The following ATP8A1 variants were observed in gnomAD, a reference collection of about 807,000 sequenced individuals.
ATP8A1 encodes ATPase phospholipid transporting 8A1.
ATP8A1 carries 90 observed loss-of-function variants against 177.7 expected under a neutral mutation model. That is an observed-to-expected ratio of 0.51 (90% confidence interval 0.43 to 0.60). The LOEUF (loss-of-function observed/expected upper bound fraction) is 0.60, where lower values mean the gene tolerates loss of function less well. Among genes scored for constraint, ATP8A1 ranks in the 20% least tolerant of loss-of-function variants. ATP8A1 has a pLI of 0.00. For missense variants in ATP8A1, 1,072 were observed against 1,392.8 expected, an observed-to-expected ratio of 0.77 and a Z score of 3.67; for synonymous variants, 493 against 485.9, an observed-to-expected ratio of 1.01 and a Z score of -0.19.
At chr4:42,634,795 T>C (rs1739106334) in intron 1 of ATP8A1, among the ~76,000 whole-genome samples, 3 of 152,138 alleles carry the variant, frequency 2.0e-5, no homozygotes. Context: ...TGGGAGAAAA[T>C]AAATAGGCTA....
At chr4:42,628,730 T>TA (rs1738387400) in intron 1 of ATP8A1, among the ~76,000 whole-genome samples, 1 of 151,864 alleles carries the variant, frequency 6.6e-6, no homozygotes, top group Admixed American at 6.6e-5. Context: ...GATCAATCTT[T>TA]AAAAAAAATT....
intron 25 of ATP8A1, among the ~76,000 whole-genome samples, chr4:42,475,712 GAGA>G: frequency 6.6e-6 from 1 of 152,192 alleles, no homozygotes. Context: ...ATAACTCTAT[GAGA>G]AGAACAATTT....
rs548199736 is a variant in ATP8A1, at chr4:42,641,724, A to G, written c.50-14615T>C. ...AGCTAGGCCTTAAAAAGTACTGGGG[A>G]AAAAAATGAATGAACAATGATGAAA... On this transcript the variant is annotated intron_variant, in intron 1 of 36. Coordinates refer to ENST00000381668, the MANE Select transcript of ATP8A1 (RefSeq NM_006095.2). Among the ~76,000 whole-genome samples, 9 of 152,272 alleles carry G rather than the reference A, an allele frequency of 5.9e-5. No individual in the cohort carries two copies. In the East Asian group the frequency reaches 7.7e-4, roughly 13 times the overall value.
chr4:42,453,049 TCTC>T (rs1276068684), intron 29 of ATP8A1, among the ~76,000 whole-genome samples: 3 of 152,182 alleles, frequency 2.0e-5, no homozygotes, highest in South Asian at 2.1e-4. Context: ...CTTTGTCTCT[TCTC>T]CTCACTGTGT....
intron 30 of ATP8A1, among the ~76,000 whole-genome samples, chr4:42,451,548 A>G (rs889034122): frequency 4.6e-5 from 7 of 152,220 alleles, no homozygotes; most frequent in Non-Finnish European, 7.3e-5. Context: ...GATGAACATA[A>G]AAACATATTA....
chr4:42,614,237 T>C (rs996832579), intron 5 of ATP8A1, among the ~76,000 whole-genome samples: 3 of 152,178 alleles, frequency 2.0e-5, no homozygotes, highest in Admixed American at 1.3e-4. Context: ...AAAATCATCA[T>C]AGCTATGGTG....
chr4:42,655,991 C>G (rs1222080312), intron 1 of ATP8A1, among the ~76,000 whole-genome samples: 1 of 152,224 alleles, frequency 6.6e-6, no homozygotes, highest in African/African-American at 2.4e-5. Flanking sequence ...TATTTACAGT[C>G]TTGGCTTTGA....
intron 21 of ATP8A1, among the ~76,000 whole-genome samples, chr4:42,524,139 CCT>C (rs1045856415): frequency 1.3e-5 from 2 of 152,140 alleles, no homozygotes; most frequent in African/African-American, 4.8e-5. Flanking sequence ...TAACCTAGAT[CCT>C]CTCTCTAGAC....
intron 25 of ATP8A1, among the ~76,000 whole-genome samples, chr4:42,467,611 T>C (rs1719929958): frequency 6.6e-6 from 1 of 152,132 alleles, no homozygotes; most frequent in Non-Finnish European, 1.5e-5. Flanking sequence ...GAGAATCGCT[T>C]GAACCCAGGA....
intron 11 of ATP8A1, 112 bp downstream of exon 11, chr4:42,579,701 C>A: frequency 1.0e-6 from 1 of 989,490 alleles, no homozygotes; most frequent in Non-Finnish European, 1.5e-6. Flanking sequence ...GTCCAGCTAT[C>A]TTGGCAACAA....
intron 24 of ATP8A1, among the ~76,000 whole-genome samples, chr4:42,486,717 A>G (rs1426733263): frequency 6.6e-6 from 1 of 152,348 alleles, no homozygotes; most frequent in East Asian, 1.9e-4. Flanking sequence ...TGGTGGGCCC[A>G]TAAGATTGTG....
intron 5 of ATP8A1, among the ~76,000 whole-genome samples, 195 bp downstream of exon 5, chr4:42,615,838 G>C (rs999163338): frequency 9.9e-5 from 15 of 152,162 alleles, no homozygotes; most frequent in Non-Finnish European, 1.8e-4. Flanking sequence ...GCTTTCAAAA[G>C]TATTATCACT....
intron 6 of ATP8A1, among the ~76,000 whole-genome samples, chr4:42,592,711 T>C (rs1734311345): frequency 1.3e-5 from 2 of 152,190 alleles, no homozygotes; most frequent in South Asian, 4.1e-4. Context: ...CAAACCTAGA[T>C]GGTATAGTCT....
At chr4:42,600,638 G>A (rs1735155644) in intron 5 of ATP8A1, 120 bp from the exon 6 acceptor site, 8 of 842,056 alleles carry the variant, frequency 9.5e-6, no homozygotes, top group Non-Finnish European at 1.4e-5. Context: ...AATTTTTATA[G>A]GTTAAAATTC....
At chr4:42,510,244 G>T (rs928583608) in intron 22 of ATP8A1, among the ~76,000 whole-genome samples, 3 of 152,238 alleles carry the variant, frequency 2.0e-5, no homozygotes, top group Admixed American at 2.0e-4. Flanking sequence ...TTTCTTTCAA[G>T]AAGATAGCAT....
Position 42,630,786 on chromosome 4 carries a change from T to C in ATP8A1, c.50-3677A>G, listed in dbSNP as rs901475374. Among the ~76,000 whole-genome samples, 5 of 152,152 alleles carry C rather than the reference T, an allele frequency of 3.3e-5. No homozygotes were observed. The East Asian group carries it at 5.8e-4, about 18-fold the overall frequency. On this transcript the variant is annotated intron_variant, in intron 1 of 36. Coordinates refer to ENST00000381668, the MANE Select transcript of ATP8A1 (RefSeq NM_006095.2). The stretch of plus-strand genomic sequence containing the variant: ...CAATGGGTTTGAACTCCGTATTAAG[T>C]ATAGTCGAATGAACAGTATTTGGTA...
chr4:42,443,196 C>A (rs529713894), intron 33 of ATP8A1, among the ~76,000 whole-genome samples: 3 of 152,300 alleles, frequency 2.0e-5, no homozygotes, highest in East Asian at 1.9e-4. Flanking sequence ...GATAGACTGT[C>A]CCCAGACAGA....
At chr4:42,540,167 C>A (rs1728238115) in intron 20 of ATP8A1, among the ~76,000 whole-genome samples, 1 of 151,908 alleles carries the variant, frequency 6.6e-6, no homozygotes, top group Admixed American at 6.6e-5. Flanking sequence ...AAATGGTCAA[C>A]AAGTATATGA....
intron 25 of ATP8A1, among the ~76,000 whole-genome samples, chr4:42,483,465 C>A (rs1721899065): frequency 6.6e-6 from 1 of 151,264 alleles, no homozygotes; most frequent in Admixed American, 6.6e-5. Flanking sequence ...TAAAACAGAA[C>A]CGAGGGAGGA....
Sources: gnomAD v4.1 joint callset for allele counts (sites outside exome capture counted in the v4.1 genomes callset) on GRCh38, gnomAD v4.1.1 for gene constraint, MANE v1.5 for transcripts, NCBI Gene and HGNC (gene_info 2026-07-23, HGNC 2026-07-21) for gene names.